The following SESN1 variants were observed in gnomAD, a reference collection of about 807,000 sequenced individuals.
SESN1 encodes the protein sestrin 1.
Under a neutral mutation model 59.3 loss-of-function variants are expected in SESN1, and 30 were observed. That is an observed-to-expected ratio of 0.51 (90% CI 0.38 to 0.69). SESN1 has a LOEUF of 0.69. Ranked by LOEUF, SESN1 falls within the 30% of genes least tolerant of loss-of-function variation. The pLI is 0.00. For synonymous variants in SESN1, 197 were observed against 219.9 expected (o/e 0.90, Z 0.92); for missense variants, 566 against 673.0 (o/e 0.84, Z 1.76).
intron 1 of SESN1, among the ~76,000 whole-genome samples, chr6:109,076,643 G>C (rs1159946784): frequency 6.6e-6 from 1 of 152,102 alleles, no homozygotes; most frequent in Non-Finnish European, 1.5e-5. Context: ...AACTTAGTCT[G>C]CAGGAAACAA....
In SESN1 at chr6:108,986,109, G is replaced by A. The variant is rs1196419030; in HGVS notation, c.*1435C>T. ...CACAACAGCTTCAGTTAAACTTAGA[G>A]CTATTTCTACTTGTCTGATGAGTGT... On this transcript the variant is annotated 3_prime_UTR_variant, in exon 10 of 10. Transcript: ENST00000436639. 1.3e-5 allele frequency among the ~76,000 whole-genome samples: 2 copies of A among 152,128 alleles called. No individual in the cohort carries two copies. Among genetic ancestry groups the A allele is most frequent in the Admixed American group, 1.3e-4 (2 of 15,266 alleles).
intron 1 of SESN1, among the ~76,000 whole-genome samples, chr6:109,038,195 T>TA (rs1293816027): frequency 6.6e-6 from 1 of 152,152 alleles, no homozygotes; most frequent in African/African-American, 2.4e-5. Context: ...GGGCTTTGTA[T>TA]AAAAAAGCAC....
rs1236716371 is a variant in SESN1, at chr6:108,986,843, A to C, written c.*701T>G. 1 of 152,216 alleles carries C rather than the reference A, an allele frequency of 6.6e-6. No individual in the cohort carries two copies. The highest frequency in any genetic ancestry group is 1.5e-5 in the Non-Finnish European group (1 of 68,040). 9.4% of individuals were successfully genotyped at this position (152,216 alleles called of 1,614,324 possible). ...AGCTTCTTATAATTTACACACTTTC[A>C]TTTAGGATTGCTTTTTGAAGAAAAT... On this transcript the variant is annotated 3_prime_UTR_variant, in exon 10 of 10. Transcript: ENST00000436639.
intron 1 of SESN1, among the ~76,000 whole-genome samples, chr6:109,057,283 A>G (rs1395882987): frequency 2.0e-5 from 3 of 152,232 alleles, no homozygotes; most frequent in Admixed American, 1.3e-4. Context: ...TTGTTACACA[A>G]CAATAGATGC....
intron 1 of SESN1, among the ~76,000 whole-genome samples, chr6:109,005,493 A>G (rs113492422): frequency 6.6e-6 from 1 of 152,204 alleles, no homozygotes; most frequent in Non-Finnish European, 1.5e-5. Context: ...GAGGTATACA[A>G]ATTATATTAT....
At chr6:109,042,972 C>T (rs1219542777) in intron 1 of SESN1, among the ~76,000 whole-genome samples, 1 of 151,942 alleles carries the variant, frequency 6.6e-6, no homozygotes, top group Non-Finnish European at 1.5e-5. Context: ...CAGAATTCCA[C>T]AATGTATAAA....
chr6:109,024,249 C>T (rs1780055626), intron 1 of SESN1, among the ~76,000 whole-genome samples: 1 of 152,150 alleles, frequency 6.6e-6, no homozygotes. Context: ...TTATAACAAG[C>T]TTCTTTATCT....
intron 8 of SESN1, among the ~76,000 whole-genome samples, chr6:108,989,642 TAAATA>T (rs989754101): frequency 6.6e-6 from 1 of 151,724 alleles, no homozygotes; most frequent in Non-Finnish European, 1.5e-5. Context: ...CTTGTATAAA[TAAATA>T]AAATAAAAAT....
intron 1 of SESN1, among the ~76,000 whole-genome samples, chr6:109,046,771 C>G (rs1359455512): frequency 2.2e-5 from 3 of 139,118 alleles, no homozygotes; most frequent in African/African-American, 5.3e-5. Context: ...TCTGCCCGGC[C>G]GAGACCCCGT....
At chr6:109,015,658 C>G (rs1444707593) in intron 1 of SESN1, among the ~76,000 whole-genome samples, 1 of 151,876 alleles carries the variant, frequency 6.6e-6, no homozygotes, top group African/African-American at 2.4e-5. Context: ...ACTATGAGGT[C>G]TATGAAAAAG....
chr6:109,017,695 G>T (rs1355466134), intron 1 of SESN1, among the ~76,000 whole-genome samples: 1 of 152,128 alleles, frequency 6.6e-6, no homozygotes, highest in Non-Finnish European at 1.5e-5. Flanking sequence ...TTAGCAGATA[G>T]CTTGGGATTC....
chr6:108,994,725 CAG>C (rs1382019454), intron 5 of SESN1, 116 bp from the exon 6 acceptor site: 5 of 788,212 alleles, frequency 6.3e-6, no homozygotes, highest in East Asian at 3.9e-5. Flanking sequence ...TTTTTTGAGA[CAG>C]AGTCTTGCTC....
intron 1 of SESN1, among the ~76,000 whole-genome samples, chr6:109,050,252 C>CA (rs1175332700): frequency 1.3e-5 from 2 of 152,054 alleles, no homozygotes; most frequent in Non-Finnish European, 2.9e-5. Context: ...AAAGACTGAC[C>CA]AATTGTGCTA....
rs1009398185 is a variant in SESN1 at position 109,094,260 on chromosome 6, C to T, written c.-187G>A. On this transcript the variant is annotated 5_prime_UTR_variant, in exon 1 of 10. Transcript: ENST00000436639. ...CGATCTACAAGCTAGGTCACCCTCTCACCCTCTCCTTGTACACGAAAGGGC... is the reference window on the plus strand; with the variant it reads ...CGATCTACAAGCTAGGTCACCCTCTTACCCTCTCCTTGTACACGAAAGGGC... The T allele has an allele frequency of 9.7e-6, 6 of 621,588 alleles. No homozygotes were observed. Among genetic ancestry groups the T allele is most frequent in the Admixed American group, 3.1e-5 (1 of 32,740 alleles). The allele number at this position is 621,588 out of a possible 1,614,324, so 38.5% of individuals were successfully genotyped here. A position where few individuals can be genotyped will look rare whatever the true frequency, so the allele number is the denominator to read the frequency against.
intron 1 of SESN1, among the ~76,000 whole-genome samples, chr6:109,047,316 G>A (rs1309761015): frequency 2.1e-4 from 24 of 113,104 alleles, no homozygotes; most frequent in African/African-American, 7.2e-4. Flanking sequence ...CCCTCTGCCC[G>A]GCCAGCCGCC....
intron 1 of SESN1, among the ~76,000 whole-genome samples, chr6:109,014,811 G>C (rs1171281388): frequency 6.6e-6 from 1 of 152,046 alleles, no homozygotes; most frequent in Non-Finnish European, 1.5e-5. Flanking sequence ...CCTCCTACAT[G>C]TTCCTCACAT....
At chr6:108,994,671 T>C in intron 5 of SESN1, 62 bp from the exon 6 acceptor site, 2 of 1,320,712 alleles carry the variant, frequency 1.5e-6, no homozygotes, top group South Asian at 1.4e-5. Flanking sequence ...GAATTATCTT[T>C]TAAGTCTGTC....
intron 1 of SESN1, among the ~76,000 whole-genome samples, chr6:109,053,263 T>C (rs1156257968): frequency 6.6e-6 from 1 of 152,134 alleles, no homozygotes; most frequent in African/African-American, 2.4e-5. Context: ...ATAAAGAAAT[T>C]GGGGCTCAGA....
chr6:109,018,121 T>C (rs536644440), intron 1 of SESN1, among the ~76,000 whole-genome samples: 5 of 152,342 alleles, frequency 3.3e-5, no homozygotes, highest in Non-Finnish European at 7.4e-5. Flanking sequence ...CTTCCTTGTA[T>C]ATTATCAGTG....
Sources: gnomAD v4.1 joint callset for allele counts (sites outside exome capture counted in the v4.1 genomes callset) on GRCh38, gnomAD v4.1.1 for gene constraint, MANE v1.5 for transcripts, NCBI Gene and HGNC (gene_info 2026-07-23, HGNC 2026-07-21) for gene names.